XKR6: variants seen among roughly 807,000 people sequenced by gnomAD.
XKR6 encodes XK-related protein 6.
A neutral mutation model predicts 56.7 loss-of-function variants in XKR6; 22 were observed. The ratio of observed to expected loss-of-function variants is 0.39; its 90% CI spans 0.28 to 0.55. XKR6 has a LOEUF of 0.55. Among genes scored for constraint, XKR6 ranks in the 20% least tolerant of loss-of-function variants. The pLI is 0.66. For missense variants in XKR6, 852 were observed against 889.0 expected, an observed-to-expected ratio of 0.96 and a Z score of 0.53; for synonymous variants, 524 against 387.8, an observed-to-expected ratio of 1.35 and a Z score of -4.13.
chr8:10,999,233 C>CA (rs1798185345), intron 1 of XKR6, among the ~76,000 whole-genome samples: 1 of 152,198 alleles, frequency 6.6e-6, no homozygotes, highest in South Asian at 2.1e-4. Flanking sequence ...AAAGTGGCAA[C>CA]AAGTTGTATA....
intron 1 of XKR6, among the ~76,000 whole-genome samples, chr8:10,961,164 T>C (rs1451581439): frequency 1.3e-5 from 2 of 152,054 alleles, no homozygotes; most frequent in Non-Finnish European, 2.9e-5. Flanking sequence ...CAGAAGAAGT[T>C]GCATTTTTTT....
chr8:11,192,541 G>C (rs1803639153), intron 1 of XKR6, among the ~76,000 whole-genome samples: 1 of 151,942 alleles, frequency 6.6e-6, no homozygotes, highest in East Asian at 2.0e-4. Context: ...CTTGAGCCTA[G>C]AAGTTCAAGG....
chr8:10,970,824 C>T (rs79443322), intron 1 of XKR6, among the ~76,000 whole-genome samples: 158 of 149,096 alleles, frequency 1.1e-3, no homozygotes, highest in Non-Finnish European at 1.2e-3. Context: ...AAAAAAAAAC[C>T]TCTGTATCAT....
intron 1 of XKR6, among the ~76,000 whole-genome samples, chr8:11,177,165 T>G (rs1802701114): frequency 6.6e-6 from 1 of 152,168 alleles, no homozygotes; most frequent in African/African-American, 2.4e-5. Context: ...ACACCACACT[T>G]CTACGGGCTT....
chr8:10,952,591 CCA>C (rs1308140355), intron 1 of XKR6, among the ~76,000 whole-genome samples: 8 of 152,294 alleles, frequency 5.3e-5, no homozygotes, highest in African/African-American at 1.9e-4. Flanking sequence ...GTACCTGGGA[CCA>C]CAGACACGTG....
chr8:11,027,889 C>T (rs1445823427), intron 1 of XKR6, among the ~76,000 whole-genome samples: 1 of 152,178 alleles, frequency 6.6e-6, no homozygotes, highest in East Asian at 1.9e-4. Context: ...AGCCCCTCTC[C>T]TCCCCCATTA....
At chr8:11,009,642 G>A (rs868327542) in intron 1 of XKR6, among the ~76,000 whole-genome samples, 23 of 152,178 alleles carry the variant, frequency 1.5e-4, no homozygotes, top group Admixed American at 5.9e-4. Flanking sequence ...ACTCAAAACT[G>A]TCAAGCTTAT....
At chr8:10,946,771 G>T (rs985995191) in intron 1 of XKR6, among the ~76,000 whole-genome samples, 1 of 152,134 alleles carries the variant, frequency 6.6e-6, no homozygotes. Flanking sequence ...ACCAGTGGAG[G>T]AGACACGCCT....
chr8:10,939,315 G>A (rs1801318203), intron 1 of XKR6, among the ~76,000 whole-genome samples: 2 of 152,202 alleles, frequency 1.3e-5, no homozygotes, highest in African/African-American at 4.8e-5. Flanking sequence ...CCTAACGAAT[G>A]TCTCTTTGGG....
At chr8:11,033,808 A>C (rs1799067695) in intron 1 of XKR6, among the ~76,000 whole-genome samples, 1 of 152,178 alleles carries the variant, frequency 6.6e-6, no homozygotes, top group East Asian at 1.9e-4. Flanking sequence ...TATGACTCCT[A>C]GGGGTCCAGA....
At chr8:11,017,482 GCTGCAAGGTTGC>G (rs1798652459) in intron 1 of XKR6, among the ~76,000 whole-genome samples, 1 of 145,516 alleles carries the variant, frequency 6.9e-6, no homozygotes, top group African/African-American at 2.8e-5. Context: ...CAGCTCCAGG[GCTGCAAGGTTGC>G]CTGCAAGTAA....
intron 1 of XKR6, among the ~76,000 whole-genome samples, chr8:11,171,300 T>C (rs939567854): frequency 6.6e-6 from 1 of 151,760 alleles, no homozygotes; most frequent in Non-Finnish European, 1.5e-5. Flanking sequence ...ACACACAGAG[T>C]TCAAAACATG....
At chr8:11,197,936 G>A (rs1052448601) in intron 1 of XKR6, among the ~76,000 whole-genome samples, 1 of 152,074 alleles carries the variant, frequency 6.6e-6, no homozygotes, top group African/African-American at 2.4e-5. Context: ...AGTATTCACG[G>A]GTTAATGGAA....
intron 1 of XKR6, among the ~76,000 whole-genome samples, chr8:11,184,943 T>C (rs1053805941): frequency 3.9e-5 from 6 of 152,216 alleles, no homozygotes; most frequent in Non-Finnish European, 7.3e-5. Context: ...TAACATCGTT[T>C]CATTGACCAT....
chr8:10,953,546 A>G (rs1258094423), intron 1 of XKR6, among the ~76,000 whole-genome samples: 1 of 152,226 alleles, frequency 6.6e-6, no homozygotes, highest in Non-Finnish European at 1.5e-5. Flanking sequence ...CAATGCAAGA[A>G]TGACCTAACA....
intron 1 of XKR6, among the ~76,000 whole-genome samples, chr8:11,050,352 A>G (rs1014138103): frequency 6.9e-6 from 1 of 144,044 alleles, no homozygotes; most frequent in Non-Finnish European, 1.5e-5. Flanking sequence ...TCGTCCCTCC[A>G]AGCCCCACGA....
chr8:11,000,557 C>T (rs545911315), intron 1 of XKR6, among the ~76,000 whole-genome samples: 7 of 152,214 alleles, frequency 4.6e-5, no homozygotes, highest in East Asian at 1.9e-4. Flanking sequence ...CAGTGGCACA[C>T]GCCTGTAGTC....
intron 1 of XKR6, among the ~76,000 whole-genome samples, chr8:10,982,999 C>T (rs1477728737): frequency 3.3e-5 from 5 of 152,100 alleles, no homozygotes; most frequent in Admixed American, 3.3e-4. Context: ...GAAATGAAGG[C>T]CCATACCAAT....
At chr8:11,196,764 G>A (rs1776342320) in intron 1 of XKR6, among the ~76,000 whole-genome samples, 1 of 152,224 alleles carries the variant, frequency 6.6e-6, no homozygotes, top group Admixed American at 6.5e-5. Context: ...TTCTTCAGCA[G>A]GTCCAGCAGT....
Sources: gnomAD v4.1 joint callset for allele counts (sites outside exome capture counted in the v4.1 genomes callset) on GRCh38, gnomAD v4.1.1 for gene constraint, MANE v1.5 for transcripts, NCBI Gene and HGNC (gene_info 2026-07-23, HGNC 2026-07-21) for gene names.